Variants in SPOCK1 observed in about 807,000 individuals in gnomAD.
The protein encoded by SPOCK1 is SPARC (osteonectin), cwcv and kazal like domains proteoglycan 1.
SPOCK1 carries 23 observed loss-of-function variants against 55.3 expected under a neutral mutation model. The observed-to-expected ratio is 0.42, with a 90% confidence interval of 0.30 to 0.59. The LOEUF (loss-of-function observed/expected upper bound fraction) is 0.59, where lower values mean the gene tolerates loss of function less well. Among genes scored for constraint, SPOCK1 ranks in the 20% least tolerant of loss-of-function variants. SPOCK1 has a pLI of 0.22. For synonymous variants in SPOCK1, 226 were observed against 221.0 expected (o/e 1.02, Z -0.20); for missense variants, 499 against 552.5 (o/e 0.90, Z 0.97).
intron 6 of SPOCK1, among the ~76,000 whole-genome samples, chr5:137,034,631 C>T (rs1751846904): frequency 6.6e-6 from 1 of 152,174 alleles, no homozygotes; most frequent in Admixed American, 6.5e-5. Context: ...CTCGGGTTGT[C>T]TCAGAGAGGT....
At chr5:137,290,619 G>A (rs1017001956) in intron 2 of SPOCK1, among the ~76,000 whole-genome samples, 6 of 152,162 alleles carry the variant, frequency 3.9e-5, no homozygotes, top group Admixed American at 3.3e-4. Flanking sequence ...TTTTAATAAA[G>A]GTTTGAGAAA....
At chr5:137,209,701 C>T (rs139806018) in intron 3 of SPOCK1, among the ~76,000 whole-genome samples, 126 of 152,242 alleles carry the variant, frequency 8.3e-4, no homozygotes, top group African/African-American at 2.3e-3. Context: ...CCAACCCTTT[C>T]GCCTAACAAT....
At chr5:137,278,120 C>T (rs1451264181) in intron 2 of SPOCK1, among the ~76,000 whole-genome samples, 1 of 152,174 alleles carries the variant, frequency 6.6e-6, no homozygotes, top group Non-Finnish European at 1.5e-5. Flanking sequence ...CTAGCCCTGC[C>T]ATTCAGCAGC....
intron 6 of SPOCK1, among the ~76,000 whole-genome samples, chr5:137,035,719 C>T (rs1232952072): frequency 6.6e-6 from 1 of 152,184 alleles, no homozygotes; most frequent in Non-Finnish European, 1.5e-5. Flanking sequence ...CTGTGCCTAA[C>T]CCAAGCTGGA....
rs1750683457 is a variant in SPOCK1, at chr5:136,979,499, A to G, written c.992-30T>C. 4 of 1,512,162 alleles carry G rather than the reference A, an allele frequency of 2.6e-6. No homozygotes were observed. In the East Asian group the frequency reaches 6.8e-5, roughly 26 times the overall value. 93.7% of individuals were successfully genotyped at this position (1,512,162 alleles called of 1,614,324 possible). ...GGGAACAAAAGGTGCAACTTTAATC[A>G]GAGACATGCAGATGATACTCGGGGT... On this transcript the variant is annotated intron_variant, in intron 9 of 10. Transcript: ENST00000394945.
chr5:137,166,745 G>A (rs1754654818), intron 3 of SPOCK1, among the ~76,000 whole-genome samples: 1 of 151,968 alleles, frequency 6.6e-6, no homozygotes, highest in Non-Finnish European at 1.5e-5. Flanking sequence ...GTTGTTATCA[G>A]CTTAAAATGA....
At chr5:137,152,428 T>C (rs1202494208) in intron 3 of SPOCK1, among the ~76,000 whole-genome samples, 1 of 152,212 alleles carries the variant, frequency 6.6e-6, no homozygotes, top group Admixed American at 6.5e-5. Flanking sequence ...TAACTGCACA[T>C]GGAAGACAGT....
rs142062036 is a variant in SPOCK1 at position 137,485,717 on chromosome 5, T to C, written c.186+12656A>G. On this transcript the variant is annotated intron_variant, in intron 2 of 10. Coordinates refer to ENST00000394945, the MANE Select transcript of SPOCK1 (RefSeq NM_004598.4). ...AATATTTATACTGCAATGAAAATTTTAAAAACACACACACAAAAAAAAGTA... is the reference window on the plus strand; with the variant it reads ...AATATTTATACTGCAATGAAAATTTCAAAAACACACACACAAAAAAAAGTA... 2.6e-4 allele frequency among the ~76,000 whole-genome samples: 40 copies of C among 152,102 alleles called. No individual in the cohort carries two copies. In the East Asian group the frequency reaches 7.7e-3, roughly 29 times the overall value.
At chr5:137,431,920 C>T (rs1414010257) in intron 2 of SPOCK1, among the ~76,000 whole-genome samples, 1 of 152,182 alleles carries the variant, frequency 6.6e-6, no homozygotes, top group Non-Finnish European at 1.5e-5. Context: ...TGGACTAAGA[C>T]AGTGCATGTA....
At chr5:137,478,557 C>A (rs1250440103) in intron 2 of SPOCK1, among the ~76,000 whole-genome samples, 1 of 152,096 alleles carries the variant, frequency 6.6e-6, no homozygotes, top group Non-Finnish European at 1.5e-5. Flanking sequence ...ATTAAACAAG[C>A]TTTCCCCCCA....
intron 2 of SPOCK1, among the ~76,000 whole-genome samples, chr5:137,421,330 GAAT>G (rs1269656641): frequency 3.3e-5 from 5 of 152,222 alleles, no homozygotes; most frequent in Non-Finnish European, 7.3e-5. Context: ...GTGCAGAGCT[GAAT>G]TCAATTCCTG....
intron 2 of SPOCK1, among the ~76,000 whole-genome samples, chr5:137,314,136 C>T (rs1158941353): frequency 6.6e-6 from 1 of 151,870 alleles, no homozygotes; most frequent in Non-Finnish European, 1.5e-5. Context: ...CCATTTCTCC[C>T]CAGCCCCTCC....
At chr5:137,262,750 G>C (rs1434641) in intron 3 of SPOCK1, among the ~76,000 whole-genome samples, 1 of 152,150 alleles carries the variant, frequency 6.6e-6, no homozygotes. Context: ...GTGTAGCTCC[G>C]AGAGCTTCAG....
At chr5:137,131,715 G>A (rs1467834632) in intron 4 of SPOCK1, among the ~76,000 whole-genome samples, 2 of 151,480 alleles carry the variant, frequency 1.3e-5, no homozygotes, top group African/African-American at 4.9e-5. Context: ...GCTCACGCCT[G>A]TAATCCCAGT....
intron 3 of SPOCK1, among the ~76,000 whole-genome samples, chr5:137,152,016 A>T (rs1393490718): frequency 6.6e-6 from 1 of 152,130 alleles, no homozygotes; most frequent in East Asian, 1.9e-4. Flanking sequence ...TCCCAAGGTT[A>T]TTAAATTTCA....
At chr5:137,190,584 A>G (rs568354559) in intron 3 of SPOCK1, among the ~76,000 whole-genome samples, 17 of 152,306 alleles carry the variant, frequency 1.1e-4, no homozygotes, top group African/African-American at 4.1e-4. Flanking sequence ...ACTTTATTGC[A>G]ATATTCACTT....
chr5:137,199,516 G>A (rs1755371930), intron 3 of SPOCK1, among the ~76,000 whole-genome samples: 1 of 152,096 alleles, frequency 6.6e-6, no homozygotes, highest in Admixed American at 6.5e-5. Context: ...CATGAGCTCT[G>A]AGTCCTTGCT....
intron 3 of SPOCK1, among the ~76,000 whole-genome samples, chr5:137,190,508 C>T (rs1755159528): frequency 2.6e-5 from 4 of 152,174 alleles, no homozygotes; most frequent in Middle Eastern, 3.4e-3. Context: ...AGATATAATC[C>T]TACTGCTTGG....
chr5:137,174,414 G>C (rs1407869461), intron 3 of SPOCK1, among the ~76,000 whole-genome samples: 3 of 152,270 alleles, frequency 2.0e-5, no homozygotes, highest in South Asian at 2.1e-4. Flanking sequence ...CTCCCTGCAG[G>C]CTTCTTTCCC....
Sources: gnomAD v4.1 joint callset for allele counts (sites outside exome capture counted in the v4.1 genomes callset) on GRCh38, gnomAD v4.1.1 for gene constraint, MANE v1.5 for transcripts, NCBI Gene and HGNC (gene_info 2026-07-23, HGNC 2026-07-21) for gene names.